The following STAG2 variants were observed in gnomAD, a reference collection of about 807,000 sequenced individuals.
The protein encoded by STAG2 is STAG2 cohesin complex component, also known as cohesin subunit SA-2.
STAG2 carries 14 observed loss-of-function variants against 108.1 expected under a neutral mutation model. That is an observed-to-expected ratio of 0.13 (90% CI 0.09 to 0.20). The LOEUF is 0.20. STAG2 is among the 10% of genes least tolerant of loss of function. The probability of loss-of-function intolerance (pLI) is 1.00; values close to 1 mark genes in which losing one functional copy is unlikely to be tolerated. For missense variants in STAG2, 440 were observed against 940.9 expected (o/e 0.47, Z 6.96); for synonymous variants, 307 against 302.7 (o/e 1.01, Z -0.15).
At chrX:124,066,483 CTG>C (rs1387678953) in intron 23 of STAG2, 47 bp downstream of exon 23, 1 of 927,829 alleles carries the variant, frequency 1.1e-6, no homozygotes, top group Non-Finnish European at 1.5e-6. Flanking sequence ...ATATCATTAA[CTG>C]TTTTCAGCAA....
chrX:124,096,950 G>A (rs1648108515), intron 34 of STAG2, among the ~76,000 whole-genome samples: 1 of 112,175 alleles, frequency 8.9e-6, no homozygotes, highest in African/African-American at 3.2e-5. Context: ...AGGCCAAGGT[G>A]GGAGGATTGT....
At chrX:124,073,203 T>A (rs1277575728) in intron 25 of STAG2, among the ~76,000 whole-genome samples, 4 of 111,666 alleles carry the variant, frequency 3.6e-5, no homozygotes, top group Non-Finnish European at 7.5e-5. Context: ...CGTCTTTTTT[T>A]AAAACTTCTA....
intron 1 of STAG2, among the ~76,000 whole-genome samples, chrX:124,018,161 CT>C (rs1284452187): frequency 8.9e-6 from 1 of 111,769 alleles, no homozygotes; most frequent in African/African-American, 3.3e-5. Flanking sequence ...AATGTTAACT[CT>C]TTTATAGTAG....
intron 26 of STAG2, among the ~76,000 whole-genome samples, chrX:124,077,122 C>T (rs2058820690): frequency 9.0e-6 from 1 of 111,511 alleles, no homozygotes; most frequent in African/African-American, 3.2e-5. Context: ...AAAGCCTTTG[C>T]TTTCAAGAAA....
At chrX:124,013,317 AC>A (rs1307373128) in intron 1 of STAG2, among the ~76,000 whole-genome samples, 2 of 97,076 alleles carry the variant, frequency 2.1e-5, no homozygotes, top group Non-Finnish European at 4.2e-5. Flanking sequence ...GCACACACAC[AC>A]ACACAAACAC....
At chrX:124,077,177 A>G (rs372013220) in intron 26 of STAG2, among the ~76,000 whole-genome samples, 5 of 111,266 alleles carry the variant, frequency 4.5e-5, no homozygotes, top group African/African-American at 1.6e-4. Flanking sequence ...TCTCTGGAAT[A>G]TTTTGCTACT....
intron 1 of STAG2, among the ~76,000 whole-genome samples, chrX:123,970,022 T>C (rs757701003): frequency 9.6e-6 from 1 of 104,588 alleles, no homozygotes; most frequent in Admixed American, 1.1e-4. Flanking sequence ...ATTCTGGTTG[T>C]TGGACTTATG....
At chrX:124,032,121 T>G (rs1244504058) in intron 5 of STAG2, among the ~76,000 whole-genome samples, 7 of 112,098 alleles carry the variant, frequency 6.2e-5, no homozygotes. Flanking sequence ...GTCTCAATTT[T>G]CCCTGAATTT....
intron 10 of STAG2, among the ~76,000 whole-genome samples, chrX:124,049,628 CTT>C (rs1378526796): frequency 1.8e-5 from 2 of 112,038 alleles, no homozygotes; most frequent in East Asian, 5.6e-4. Flanking sequence ...CATGTCCATT[CTT>C]ACCTTTTCAC....
intron 1 of STAG2, among the ~76,000 whole-genome samples, chrX:124,016,472 C>T (rs756504673): frequency 8.9e-6 from 1 of 112,014 alleles, no homozygotes; most frequent in African/African-American, 3.2e-5. Context: ...TGTTTACCCA[C>T]ATTGGTACAC....
At chrX:124,046,517 T>C (rs1244170657) in intron 8 of STAG2, among the ~76,000 whole-genome samples, 2 of 112,113 alleles carry the variant, frequency 1.8e-5, no homozygotes, top group African/African-American at 6.5e-5. Context: ...GAAATCTTTC[T>C]TTAAGAGAGC....
chrX:124,034,161 G>A (rs868456865), intron 5 of STAG2, among the ~76,000 whole-genome samples: 15 of 111,385 alleles, frequency 1.3e-4, no homozygotes, highest in South Asian at 7.5e-4. Context: ...CTTATGGCTT[G>A]TCATATTAAG....
chrX:124,037,616 C>T lies in STAG2; in HGVS notation c.378C>T (p.Gly126=). ...TCAACTTTTTTATTCAGTGTTCAGG[C>T]TGTAAAGGTAAGATATATTTATTTT... ...DLINFFIQCS[G]CKGVVTAEMF... The change falls in exon 6 of 35, where the codon GGC becomes GGT. Residue 126 remains glycine, a synonymous_variant. Transcript: ENST00000371145. 8.7e-7 allele frequency: 1 copy of T among 1,155,809 alleles called. No homozygotes were observed. The highest frequency in any genetic ancestry group is 1.2e-6 in the Non-Finnish European group (1 of 856,464).
chrX:124,091,961 A>C (rs2059261444), intron 32 of STAG2, among the ~76,000 whole-genome samples: 1 of 112,268 alleles, frequency 8.9e-6, no homozygotes, highest in Non-Finnish European at 1.9e-5. Flanking sequence ...TCTTTAGATA[A>C]TTTTTTTAAA....
Position 123,983,974 on chromosome X carries a change from C to CTTTTCTTTTTTTTTT in STAG2, c.-163+22122_-163+22123insCTTTTTTTTTTTTTT, listed in dbSNP as rs1168788249. Among the ~76,000 whole-genome samples the CTTTTCTTTTTTTTTT allele has an allele frequency of 3.7e-4, 23 of 61,475 alleles. 1 individual carries two copies. The highest frequency in any genetic ancestry group is 1.7e-3 in the African/African-American group (19 of 10,953). The allele number at this position is 61,475 out of a possible 115,157, so 53.4% of individuals were successfully genotyped here. ...AAAAAGAATAATTTTCTTTTCTTTT[C>CTTTTCTTTTTTTTTT]TTTTTTTTTTTTTTTTTTTTTGAGA... On this transcript the variant is annotated intron_variant, in intron 1 of 34. Coordinates refer to ENST00000371145, the MANE Select transcript of STAG2 (RefSeq NM_001042750.2).
At chrX:124,030,838 G>A (rs1223929657) in intron 4 of STAG2, 123 bp from the exon 5 acceptor site, 1 of 698,109 alleles carries the variant, frequency 1.4e-6, no homozygotes, top group Non-Finnish European at 2.0e-6. Context: ...TGTTATAAGT[G>A]GATGGAATTC....
chrX:124,073,420 ATG>A (rs2058724225), intron 25 of STAG2, among the ~76,000 whole-genome samples: 1 of 110,404 alleles, frequency 9.1e-6, no homozygotes, highest in Admixed American at 9.7e-5. Context: ...GTGTGTGTGT[ATG>A]TGTGTGTTTG....
In STAG2 at chrX:123,994,531, G is replaced by A. The variant is rs766252609; in HGVS notation, c.-162-26836G>A. On this transcript the variant is annotated intron_variant, in intron 1 of 34. Transcript: ENST00000371145. ...GCTGCTCAAGATTTTGCTAAAGATC[G>A]TTTTGTGTACACAATTGTAAGGAAA... is the stretch of plus-strand genomic sequence containing the variant. Among the ~76,000 whole-genome samples, 9 of 112,035 alleles carry A rather than the reference G, an allele frequency of 8.0e-5. No homozygotes were observed. In the East Asian group the frequency reaches 1.4e-3, roughly 17 times the overall value.
intron 1 of STAG2, among the ~76,000 whole-genome samples, chrX:124,016,084 A>G (rs1450466730): frequency 8.0e-5 from 9 of 112,220 alleles, no homozygotes; most frequent in Non-Finnish European, 9.4e-5. Context: ...AACATGAAAT[A>G]TGAATAGATT....
Sources: gnomAD v4.1 joint callset for allele counts (sites outside exome capture counted in the v4.1 genomes callset) on GRCh38, gnomAD v4.1.1 for gene constraint, MANE v1.5 for transcripts, NCBI Gene and HGNC (gene_info 2026-07-23, HGNC 2026-07-21) for gene names.